The following NFAT5 variants were observed in gnomAD, a reference collection of about 807,000 sequenced individuals.
NFAT5 encodes nuclear factor of activated T cells 5.
In NFAT5, 31 loss-of-function variants were observed where a neutral mutation model predicts 166.5. That is an observed-to-expected ratio of 0.19 (90% CI 0.14 to 0.25). The LOEUF is 0.25. Ranked by LOEUF, NFAT5 falls within the 10% of genes least tolerant of loss-of-function variation. The pLI, the probability that NFAT5 is intolerant of heterozygous loss-of-function variation, is 1.00. For synonymous variants in NFAT5, 612 were observed against 639.7 expected, an observed-to-expected ratio of 0.96 and a Z score of 0.65; for missense variants, 1,449 against 1,821.8, an observed-to-expected ratio of 0.80 and a Z score of 3.72.
At chr16:69,682,494 C>A (rs938901458) in intron 10 of NFAT5, among the ~76,000 whole-genome samples, 1 of 151,558 alleles carries the variant, frequency 6.6e-6, no homozygotes, top group Non-Finnish European at 1.5e-5. Flanking sequence ...GTGGCATGCA[C>A]CTGTAGTCCC....
intron 1 of NFAT5, among the ~76,000 whole-genome samples, chr16:69,567,356 C>T (rs1005620254): frequency 2.0e-5 from 3 of 152,206 alleles, no homozygotes; most frequent in Non-Finnish European, 4.4e-5. Flanking sequence ...AGAACAGGTT[C>T]CCTGTGCAAG....
At position 69,700,312 on chromosome 16, in the gene NFAT5, G is replaced by C. The variant is rs1200185981; in HGVS notation, c.*3961G>C. The C allele has an allele frequency of 1.3e-5, 2 of 152,106 alleles. No individual in the cohort carries two copies. Among genetic ancestry groups the C allele is most frequent in the South Asian group, 4.1e-4 (2 of 4,826 alleles). The allele number at this position is 152,106 out of a possible 1,614,324, so 9.4% of individuals were successfully genotyped here. ...GCATTTCTTGCTCATCAGAACCTCA[G>C]CTAATCTACCTAGGAAAAATAGTAT... On this transcript the variant is annotated 3_prime_UTR_variant, in exon 15 of 15. Coordinates refer to ENST00000349945, the MANE Select transcript of NFAT5 (RefSeq NM_138713.4).
chr16:69,583,301 G>A (rs1460108860), intron 2 of NFAT5, among the ~76,000 whole-genome samples: 1 of 151,766 alleles, frequency 6.6e-6, no homozygotes, highest in Non-Finnish European at 1.5e-5. Flanking sequence ...CTGGGCTAAA[G>A]CAATCCTCCT....
intron 4 of NFAT5, chr16:69,649,213 C>A: frequency 1.0e-6 from 1 of 961,040 alleles, no homozygotes; most frequent in Non-Finnish European, 1.2e-6. Flanking sequence ...ATCTAAAAGT[C>A]TCATGAATAT....
At chr16:69,626,255 A>T (rs969697497) in intron 2 of NFAT5, 148 bp from the exon 3 acceptor site, 5 of 615,286 alleles carry the variant, frequency 8.1e-6, no homozygotes, top group Admixed American at 8.4e-5. Context: ...CTCAGCTGCT[A>T]ATAGCTCTTT....
intron 2 of NFAT5, among the ~76,000 whole-genome samples, chr16:69,621,251 T>G (rs1313739804): frequency 6.7e-6 from 1 of 149,988 alleles, no homozygotes; most frequent in Non-Finnish European, 1.5e-5. Context: ...ACTCTCTTCC[T>G]TTAAAAAAAA....
chr16:69,692,732 G>A lies in NFAT5; in HGVS notation c.2907G>A (p.Gln969=). 1.2e-6 allele frequency: 2 copies of A among 1,614,248 alleles called. No homozygotes were observed. The highest frequency in any genetic ancestry group is 1.7e-6 in the Non-Finnish European group (2 of 1,180,050). ...ALSTNEDMQM[Q]CELFSSPPAV... ...CTACCAATGAGGATATGCAAATGCA[G>A]TGTGAATTGTTTTCTTCTCCTCCTG... The change falls in exon 13 of 15, where the codon CAG becomes CAA. Residue 969 remains glutamine, a synonymous_variant. Coordinates refer to ENST00000349945, the MANE Select transcript of NFAT5 (RefSeq NM_138713.4).
In NFAT5 at chr16:69,690,920, TTG is replaced by T. The variant is rs757843219; in HGVS notation, c.1775-10_1775-9del. 30 of 1,452,838 alleles carry T rather than the reference TTG, an allele frequency of 2.1e-5. No homozygotes were observed. The highest frequency in any genetic ancestry group is 6.3e-5 in the South Asian group (4 of 63,144). 90.0% of individuals were successfully genotyped at this position (1,452,838 alleles called of 1,614,324 possible). The stretch of plus-strand genomic sequence containing the variant: ...ATTTTGTGATTTTAAACTTTTCTTT[TTG>T]TGTGTGTGTATATGCAGCAATGAAA... On this transcript the variant is annotated intron_variant, in intron 11 of 14. Coordinates refer to ENST00000349945, the MANE Select transcript of NFAT5 (RefSeq NM_138713.4).
rs1471417798 is a variant in NFAT5 at position 69,703,001 on chromosome 16, TTTAA to T, written c.*6653_*6656del. ...TATAGGTGCAATGTTCTATGTTTAT[TTTAA>T]TTGTTATGACATTTAAGTAGCTAAT... On this transcript the variant is annotated 3_prime_UTR_variant, in exon 15 of 15. Coordinates refer to ENST00000349945, the MANE Select transcript of NFAT5 (RefSeq NM_138713.4). 1.3e-5 allele frequency: 2 copies of T among 152,670 alleles called. No homozygotes were observed. Among genetic ancestry groups the T allele is most frequent in the African/African-American group, 4.8e-5 (2 of 41,460 alleles). 9.5% of individuals were successfully genotyped at this position (152,670 alleles called of 1,614,324 possible).
intron 3 of NFAT5, among the ~76,000 whole-genome samples, chr16:69,640,623 C>G (rs2035163154): frequency 1.3e-5 from 2 of 152,012 alleles, no homozygotes; most frequent in African/African-American, 4.8e-5. Flanking sequence ...GTCATTGTTA[C>G]CAGTAAGAAA....
chr16:69,614,009 GTA>G (rs1244219185), intron 2 of NFAT5, among the ~76,000 whole-genome samples: 1 of 152,242 alleles, frequency 6.6e-6, no homozygotes, highest in Non-Finnish European at 1.5e-5. Context: ...AAGACTCATG[GTA>G]TGTGTTGTAA....
chr16:69,616,210 A>G (rs1038649163), intron 2 of NFAT5, among the ~76,000 whole-genome samples: 6 of 152,008 alleles, frequency 3.9e-5, no homozygotes, highest in African/African-American at 1.4e-4. Flanking sequence ...TCAGGCTCCA[A>G]GGCCTCACAT....
chr16:69,646,153 C>T (rs1392650403), intron 3 of NFAT5, among the ~76,000 whole-genome samples: 1 of 152,176 alleles, frequency 6.6e-6, no homozygotes, highest in East Asian at 1.9e-4. Context: ...CAGCTCTAAC[C>T]AATTGTCAAG....
chr16:69,652,823 A>G (rs1162075819), intron 4 of NFAT5, among the ~76,000 whole-genome samples: 2 of 152,086 alleles, frequency 1.3e-5, no homozygotes, highest in East Asian at 3.9e-4. Context: ...TTATAGCTTT[A>G]TATAAATTTT....
At chr16:69,661,569 G>GAAAAAAAAAAAAAAAAAAA (rs1187473064) in intron 7 of NFAT5, among the ~76,000 whole-genome samples, 8 of 92,052 alleles carry the variant, frequency 8.7e-5, no homozygotes, top group South Asian at 6.8e-4. Context: ...AAAAAAAAAG[G>GAAAAAAAAAAAAAAAAAAA]AAATTGTTCA....
At chr16:69,576,408 A>G (rs1279805370) in intron 2 of NFAT5, among the ~76,000 whole-genome samples, 2 of 152,160 alleles carry the variant, frequency 1.3e-5, no homozygotes, top group African/African-American at 4.8e-5. Context: ...ATTCTTTACT[A>G]AGCAGCTTCC....
rs188166207 is a variant in NFAT5, at chr16:69,696,638, A to G, written c.*287A>G. On this transcript the variant is annotated 3_prime_UTR_variant, in exon 15 of 15. Coordinates refer to ENST00000349945, the MANE Select transcript of NFAT5 (RefSeq NM_138713.4). The stretch of plus-strand genomic sequence containing the variant: ...AATTGTTATTATTTTCCTAGGCGCA[A>G]TTTCCTTAAACGTACAGTTTAAATT... The G allele has an allele frequency of 1.3e-4, 20 of 152,636 alleles. 1 individual carries two copies. In the East Asian group the frequency reaches 2.5e-3, roughly 19 times the overall value. 9.5% of individuals were successfully genotyped at this position (152,636 alleles called of 1,614,324 possible). A position where few individuals can be genotyped will look rare whatever the true frequency, so the allele number is the denominator to read the frequency against.
At chr16:69,612,906 ATAAAAAACAAAAG>A (rs1323235646) in intron 2 of NFAT5, among the ~76,000 whole-genome samples, 1 of 150,458 alleles carries the variant, frequency 6.6e-6, no homozygotes, top group African/African-American at 2.5e-5. Context: ...CAGATTTGAT[ATAAAAAACAAAAG>A]TAAAGCAGGC....
intron 11 of NFAT5, among the ~76,000 whole-genome samples, chr16:69,687,098 T>C (rs1003375944): frequency 3.3e-5 from 5 of 152,200 alleles, no homozygotes; most frequent in African/African-American, 1.2e-4. Flanking sequence ...AAACTTAATG[T>C]CTGGCCTGGA....
Sources: allele counts gnomAD v4.1 joint callset (sites outside exome capture counted in the v4.1 genomes callset), GRCh38; gene constraint gnomAD v4.1.1; transcripts MANE v1.5; gene names NCBI Gene and HGNC (gene_info 2026-07-23, HGNC 2026-07-21).